ZNF420: variants seen among roughly 807,000 people sequenced by gnomAD.
ZNF420 encodes zinc finger protein 420, also known as ATM and p53-associated KZNF protein.
In ZNF420, 31 loss-of-function variants were observed where a neutral mutation model predicts 44.7. The ratio of observed to expected loss-of-function variants is 0.69; its 90% CI spans 0.52 to 0.94. The LOEUF (loss-of-function observed/expected upper bound fraction) is 0.94. Ranked by LOEUF, ZNF420 falls within the 40% of genes least tolerant of loss-of-function variation. The pLI is 0.00. For synonymous variants in ZNF420, 245 were observed against 267.4 expected (o/e 0.92, Z 0.82); for missense variants, 681 against 827.9 (o/e 0.82, Z 2.18).
intron 1 of ZNF420, among the ~76,000 whole-genome samples, chr19:37,030,915 T>C (rs532884990): frequency 6.6e-6 from 1 of 152,208 alleles, no homozygotes; most frequent in Non-Finnish European, 1.5e-5. Flanking sequence ...TATTTTGCTG[T>C]GTTTTGAGAC....
upstream of ZNF420, among the ~76,000 whole-genome samples, chr19:37,075,432 T>C (rs181413273): frequency 2.0e-5 from 3 of 152,104 alleles, no homozygotes; most frequent in African/African-American, 7.2e-5. Context: ...AATATATGAG[T>C]GATGCTACCT....
intron 1 of ZNF420, among the ~76,000 whole-genome samples, chr19:37,028,307 A>C (rs373684527): frequency 6.6e-6 from 1 of 152,218 alleles, no homozygotes. Flanking sequence ...TCTCAGGGTT[A>C]CCTGGGCATC....
upstream of ZNF420, chr19:37,075,187 A>G (rs1327273014): frequency 6.6e-6 from 1 of 152,258 alleles, no homozygotes; most frequent in African/African-American, 2.4e-5. Context: ...CTTAAAGGTC[A>G]GCAAGGTCAA....
chr19:37,062,586 G>A lies in ZNF420; in HGVS notation c.-124-17759G>A, dbSNP rs148502383. 6.5e-4 allele frequency among the ~76,000 whole-genome samples: 99 copies of A among 152,216 alleles called. No homozygotes were observed. The East Asian group carries it at 0.014, about 22-fold the overall frequency. ...CTTAATTCTTAATGAACTTATTTCT[G>A]TATATTTCTAATTGAAAGTTTCTCC... On this transcript the variant is annotated intron_variant, in intron 1 of 4. Coordinates refer to the ZNF420 transcript ENST00000587029.
intron 4 of ZNF420, among the ~76,000 whole-genome samples, chr19:37,104,740 A>G (rs1375099906): frequency 6.6e-6 from 1 of 152,190 alleles, no homozygotes; most frequent in African/African-American, 2.4e-5. Context: ...TGGCCAGTTG[A>G]TGATGAGCAT....
chr19:37,089,224 C>T (rs1968998024), intron 3 of ZNF420, 97 bp downstream of exon 3: 1 of 1,058,052 alleles, frequency 9.5e-7, no homozygotes. Context: ...CCTAACTGAC[C>T]TCACTCAGGA....
At position 37,128,327 on chromosome 19, in the gene ZNF420, C is replaced by A. The variant is rs1353692208; in HGVS notation, c.1336C>A (p.Pro446Thr). ...RHQRIHTGEK[P>T]YECKECGKTF... ...CCAGAGGATTCATACTGGTGAGAAA[C>A]CCTATGAATGTAAAGAATGTGGAAA... Residue 446 changes from proline to threonine, a missense_variant, in exon 5 of 5, where the codon CCC (proline) becomes ACC (threonine). Pro to Thr is a conservative substitution (Grantham distance 38). Coordinates refer to ENST00000337995, the MANE Select transcript of ZNF420 (RefSeq NM_144689.5). 1.9e-6 allele frequency: 3 copies of A among 1,613,934 alleles called. No individual in the cohort carries two copies. The highest frequency in any genetic ancestry group is 4.5e-5 in the East Asian group (2 of 44,862).
In ZNF420 at chr19:37,073,079, T is replaced by C. The variant is rs115514218; in HGVS notation, c.-124-7266T>C. ...TTTTCCTAGGGCTGGCCAGGGTGGC[T>C]CATGCTTATAATCCCAGTACTTTGG... On this transcript the variant is annotated intron_variant, in intron 1 of 4. Transcript: ENST00000587029. 4.9e-3 allele frequency among the ~76,000 whole-genome samples: 745 copies of C among 152,274 alleles called. 6 individuals are homozygous for C. The highest frequency in any genetic ancestry group is 0.016 in the African/African-American group (669 of 41,558).
At chr19:37,018,292 A>G (rs1436443646) in intron 1 of ZNF420, among the ~76,000 whole-genome samples, 1 of 152,234 alleles carries the variant, frequency 6.6e-6, no homozygotes, top group Non-Finnish European at 1.5e-5. Flanking sequence ...TAAACGGAAA[A>G]ATCTATCCTG....
chr19:37,124,033 A>G (rs1053089570), intron 4 of ZNF420, among the ~76,000 whole-genome samples: 4 of 152,142 alleles, frequency 2.6e-5, no homozygotes, highest in Non-Finnish European at 4.4e-5. Flanking sequence ...CAGTCATAAT[A>G]TACAACAGTT....
intron 2 of ZNF420, among the ~76,000 whole-genome samples, chr19:37,081,426 T>C (rs1427957761): frequency 1.3e-5 from 2 of 152,128 alleles, no homozygotes; most frequent in Non-Finnish European, 2.9e-5. Context: ...ATAGTATTTT[T>C]TAAATCTTCC....
At chr19:37,096,587 C>T (rs1293456639) in intron 4 of ZNF420, among the ~76,000 whole-genome samples, 1 of 152,134 alleles carries the variant, frequency 6.6e-6, no homozygotes, top group East Asian at 1.9e-4. Flanking sequence ...TTTTTTCAGA[C>T]CATTAATATA....
At chr19:37,013,374 C>T (rs1269393944) in intron 1 of ZNF420, among the ~76,000 whole-genome samples, 1 of 152,142 alleles carries the variant, frequency 6.6e-6, no homozygotes, top group Non-Finnish European at 1.5e-5. Context: ...TCCCCTCCAT[C>T]GTCTGGGGAA....
In ZNF420 at chr19:37,122,529, G is replaced by A. The variant is rs1324148095; in HGVS notation, c.137-4599G>A. Among the ~76,000 whole-genome samples, 4 of 151,844 alleles carry A rather than the reference G, an allele frequency of 2.6e-5. 1 individual carries two copies. Among genetic ancestry groups the A allele is most frequent in the Admixed American group, 2.6e-4 (4 of 15,238 alleles). ...CCTAATGCTAAATGACGAGTTAATG[G>A]GTGCAGTACACCAACATGGCACATG... On this transcript the variant is annotated intron_variant, in intron 4 of 4. Coordinates refer to ENST00000337995, the MANE Select transcript of ZNF420 (RefSeq NM_144689.5).
At chr19:37,103,079 A>G (rs2146610328) in intron 4 of ZNF420, among the ~76,000 whole-genome samples, 1 of 152,120 alleles carries the variant, frequency 6.6e-6, no homozygotes, top group African/African-American at 2.4e-5. Context: ...TCTTAACTAT[A>G]GTATTTCTTG....
chr19:37,014,707 C>CT (rs2074597136), intron 1 of ZNF420, among the ~76,000 whole-genome samples: 1 of 152,244 alleles, frequency 6.6e-6, no homozygotes, highest in Non-Finnish European at 1.5e-5. Flanking sequence ...AGGGCAAGCT[C>CT]TGAGCCAGGG....
At chr19:37,035,530 A>T (rs1209744933) in intron 1 of ZNF420, among the ~76,000 whole-genome samples, 1 of 152,032 alleles carries the variant, frequency 6.6e-6, no homozygotes, top group Non-Finnish European at 1.5e-5. Flanking sequence ...TAGCTTCAAA[A>T]CCCATTTGTA....
At chr19:37,012,776 G>C (rs1168194372) in intron 1 of ZNF420, among the ~76,000 whole-genome samples, 1 of 92,068 alleles carries the variant, frequency 1.1e-5, no homozygotes, top group Non-Finnish European at 2.2e-5. Context: ...CTGTGTGTGT[G>C]TGTGTGTGTG....
chr19:37,098,068 CCCAGGT>C (rs1469228144), intron 4 of ZNF420, among the ~76,000 whole-genome samples: 10 of 151,962 alleles, frequency 6.6e-5, no homozygotes, highest in African/African-American at 2.2e-4. Flanking sequence ...CCTCCCTGAG[CCCAGGT>C]GATCCTAGTT....
Sources: gnomAD v4.1 joint callset for allele counts (sites outside exome capture counted in the v4.1 genomes callset) on GRCh38, gnomAD v4.1.1 for gene constraint, MANE v1.5 for transcripts, NCBI Gene and HGNC (gene_info 2026-07-23, HGNC 2026-07-21) for gene names.